The following LAMP1 variants were observed in gnomAD, a reference collection of about 807,000 sequenced individuals.
LAMP1 encodes the protein lysosome associated membrane protein 1.
A neutral mutation model predicts 37.5 loss-of-function variants in LAMP1; 7 were observed. That is an observed-to-expected ratio of 0.19 (90% CI 0.11 to 0.35). The LOEUF is 0.35. LAMP1 is among the 10% of genes least tolerant of loss of function. LAMP1 has a pLI of 1.00. For missense variants in LAMP1, 537 were observed against 552.8 expected, an observed-to-expected ratio of 0.97 and a Z score of 0.29; for synonymous variants, 236 against 229.1, an observed-to-expected ratio of 1.03 and a Z score of -0.27.
chr13:113,319,411 G>A, intron 4 of LAMP1, 58 bp from the exon 5 acceptor site: 1 of 1,454,396 alleles, frequency 6.9e-7, no homozygotes, highest in Middle Eastern at 1.8e-4. Flanking sequence ...GGATCTTACT[G>A]TAACTGCTGA....
At chr13:113,314,861 T>C (rs1486779632) in intron 4 of LAMP1, among the ~76,000 whole-genome samples, 5 of 120,904 alleles carry the variant, frequency 4.1e-5, no homozygotes, top group South Asian at 3.2e-4. Context: ...GCAGCCAGTG[T>C]GGAGATGCCA....
intron 1 of LAMP1, among the ~76,000 whole-genome samples, chr13:113,304,303 G>A (rs185857358): frequency 6.6e-6 from 1 of 152,176 alleles, no homozygotes; most frequent in African/African-American, 2.4e-5. Context: ...ACCTGAGGGC[G>A]GGGTGGGCAG....
In LAMP1 at chr13:113,322,808, C is replaced by T. The variant is rs1379503122; in HGVS notation, c.*387C>T. On this transcript the variant is annotated 3_prime_UTR_variant, in exon 9 of 9. Coordinates refer to ENST00000332556, the MANE Select transcript of LAMP1 (RefSeq NM_005561.4). ...GCTTTCTCTGAGGGGGTGGGGGTGC[C>T]GCTCTCTCTGAGGGGGTGGGGGTGC... is the stretch of plus-strand genomic sequence containing the variant. 5.5e-5 allele frequency: 3 copies of T among 54,916 alleles called. No individual in the cohort carries two copies. Among genetic ancestry groups the T allele is most frequent in the African/African-American group, 1.6e-4 (2 of 12,374 alleles). 3.4% of individuals were successfully genotyped at this position (54,916 alleles called of 1,614,324 possible).
intron 4 of LAMP1, among the ~76,000 whole-genome samples, chr13:113,312,961 C>G (rs887046544): frequency 6.6e-6 from 1 of 152,168 alleles, no homozygotes; most frequent in East Asian, 1.9e-4. Context: ...AGCTGGCTAC[C>G]TCTGGGCTGC....
At position 113,306,485 on chromosome 13, in the gene LAMP1, G is replaced by A. The variant is rs776655908; in HGVS notation, c.62G>A (p.Gly21Asp). ...LLLLLLLLLLGLMHCASAAMF... is the reference protein window; with the variant it reads ...LLLLLLLLLLDLMHCASAAMF... Reference sequence around the variant, plus strand: ...TCTCCGTCTTCCCTGGAATTGACAGGCCTCATGCATTGTGCGTCAGCAGCA... The same window carrying A: ...TCTCCGTCTTCCCTGGAATTGACAGACCTCATGCATTGTGCGTCAGCAGCA... The change falls in exon 2 of 9, where the codon GGC becomes GAC. Residue 21 changes from glycine to aspartate, a missense_variant and splice_region_variant. Coordinates refer to ENST00000332556, the MANE Select transcript of LAMP1 (RefSeq NM_005561.4). 1 of 1,613,544 alleles carries A rather than the reference G, an allele frequency of 6.2e-7. No individual in the cohort carries two copies. The highest frequency in any genetic ancestry group is 2.2e-5 in the East Asian group (1 of 44,852).
At chr13:113,317,035 A>T (rs186616999) in intron 4 of LAMP1, among the ~76,000 whole-genome samples, 96 of 152,346 alleles carry the variant, frequency 6.3e-4, no homozygotes, top group African/African-American at 2.2e-3. Context: ...ACCTGGGTGC[A>T]AACCAATCTC....
At position 113,320,287 on chromosome 13, in the gene LAMP1, T is replaced by G; in HGVS notation, c.751-58T>G. The G allele has an allele frequency of 6.2e-7, 1 of 1,606,440 alleles. No homozygotes were observed. The highest frequency in any genetic ancestry group is 8.5e-7 in the Non-Finnish European group (1 of 1,174,610). On this transcript the variant is annotated intron_variant, in intron 5 of 8. Transcript: ENST00000332556. The surrounding 1 kb of genome is among the most constrained non-coding windows in gnomAD (Gnocchi z 4.4). ...TTCACGGTTTCAGGACTGTTTGTCT[T>G]TTCGAGAGTGTGGAGGACCTGAGCT...
At chr13:113,311,265 A>C (rs546757250) in intron 4 of LAMP1, among the ~76,000 whole-genome samples, 2 of 152,354 alleles carry the variant, frequency 1.3e-5, no homozygotes, top group East Asian at 3.9e-4. Context: ...ATGTGACTGC[A>C]GTTAATAATG....
rs1566394911 is a variant in LAMP1 at position 113,297,307 on chromosome 13, C to T, written c.-128C>T. On this transcript the variant is annotated 5_prime_UTR_variant, in exon 1 of 9. Coordinates refer to ENST00000332556, the MANE Select transcript of LAMP1 (RefSeq NM_005561.4). The surrounding 1 kb of genome is among the most constrained non-coding windows in gnomAD (Gnocchi z 4.4). The stretch of plus-strand genomic sequence containing the variant: ...GTCGCAGTGGCCGGGCCTCTTGCGT[C>T]TGGTAACGCCGCTGTCTCTAACGCC... 5.5e-6 allele frequency: 1 copy of T among 181,314 alleles called. No individual in the cohort carries two copies. Among genetic ancestry groups the T allele is most frequent in the Non-Finnish European group, 1.1e-5 (1 of 88,128 alleles). The allele number at this position is 181,314 out of a possible 1,614,324, so 11.2% of individuals were successfully genotyped here. A position where few individuals can be genotyped will look rare whatever the true frequency, so the allele number is the denominator to read the frequency against.
chr13:113,312,581 G>A (rs2042636249), intron 4 of LAMP1, among the ~76,000 whole-genome samples: 1 of 152,226 alleles, frequency 6.6e-6, no homozygotes, highest in African/African-American at 2.4e-5. Flanking sequence ...CATAGGGGAG[G>A]CTTGGAAGGA....
intron 1 of LAMP1, among the ~76,000 whole-genome samples, chr13:113,300,500 AAAAAAG>A (rs1421875553): frequency 4.6e-5 from 7 of 150,672 alleles, no homozygotes; most frequent in South Asian, 4.2e-4. Context: ...AAAAAAAAAA[AAAAAAG>A]AAAAAGAAAA....
At position 113,297,663 on chromosome 13, in the gene LAMP1, T is replaced by G. The variant is rs994547588; in HGVS notation, c.61+168T>G. On this transcript the variant is annotated intron_variant, in intron 1 of 8. Transcript: ENST00000332556. The surrounding 1 kb of genome is among the most constrained non-coding windows in gnomAD (Gnocchi z 4.4). Reference sequence around the variant, plus strand: ...CGGGCGGGTGTTTCTCTCGGGGTCGTAGGGTCGGAGCGGAGCTCAATGGCA... The same window carrying G: ...CGGGCGGGTGTTTCTCTCGGGGTCGGAGGGTCGGAGCGGAGCTCAATGGCA... Among the ~76,000 whole-genome samples, 3 of 151,260 alleles carry G rather than the reference T, an allele frequency of 2.0e-5. No individual in the cohort carries two copies. Among genetic ancestry groups the G allele is most frequent in the African/African-American group, 7.3e-5 (3 of 41,114 alleles).
intron 3 of LAMP1, 83 bp from the exon 4 acceptor site, chr13:113,310,626 T>C: frequency 9.0e-7 from 1 of 1,108,478 alleles, no homozygotes; most frequent in East Asian, 2.5e-5. Flanking sequence ...AATCTATAAC[T>C]GACATCAGGG....
At position 113,321,295 on chromosome 13, in the gene LAMP1, A is replaced by G. The variant is rs1327612067; in HGVS notation, c.877-109A>G. The stretch of plus-strand genomic sequence containing the variant: ...ACTAGAAATGTAGGAAGTCAGGTTT[A>G]TTACCCAATGACCATTCACGTTTGA... On this transcript the variant is annotated intron_variant, in intron 6 of 8. Coordinates refer to ENST00000332556, the MANE Select transcript of LAMP1 (RefSeq NM_005561.4). This position sits in a 1 kb window ranked among gnomAD's most constrained non-coding sequence, Gnocchi z 5.6. 3.3e-6 allele frequency: 3 copies of G among 905,670 alleles called. No homozygotes were observed. The African/African-American group carries it at 4.9e-5, about 15-fold the overall frequency. 56.1% of individuals were successfully genotyped at this position (905,670 alleles called of 1,614,324 possible). A position where few individuals can be genotyped will look rare whatever the true frequency, so the allele number is the denominator to read the frequency against.
In LAMP1 at chr13:113,307,945, C is replaced by T. The variant is rs569828943; in HGVS notation, c.183+1339C>T. 1.4e-4 allele frequency among the ~76,000 whole-genome samples: 17 copies of T among 121,668 alleles called. No homozygotes were observed. The South Asian group carries it at 4.0e-3, about 29-fold the overall frequency. The allele number at this position is 121,668 out of a possible 152,430, so 79.8% of individuals were successfully genotyped here. A position where few individuals can be genotyped will look rare whatever the true frequency, so the allele number is the denominator to read the frequency against. ...CTGCACTCCAGCCTGGGTGACAGAGCGAGACCATCTCCAAAAAAAAAAAAA... is the reference window on the plus strand; with the variant it reads ...CTGCACTCCAGCCTGGGTGACAGAGTGAGACCATCTCCAAAAAAAAAAAAA... On this transcript the variant is annotated intron_variant, in intron 2 of 8. Transcript: ENST00000332556.
Position 113,321,809 on chromosome 13 carries a change from G to A in LAMP1, c.1114+82G>A. On this transcript the variant is annotated intron_variant, in intron 8 of 8. Transcript: ENST00000332556. This position sits in a 1 kb window ranked among gnomAD's most constrained non-coding sequence, Gnocchi z 5.6. Reference sequence around the variant, plus strand: ...CCTGTGGACGTTTAGTCGCTTCCGTGTGGGCTGGGGCGACGCCCCTGTTCC... The same window carrying A: ...CCTGTGGACGTTTAGTCGCTTCCGTATGGGCTGGGGCGACGCCCCTGTTCC... 1.4e-6 allele frequency: 2 copies of A among 1,401,992 alleles called. No individual in the cohort carries two copies. Among genetic ancestry groups the A allele is most frequent in the Non-Finnish European group, 2.0e-6 (2 of 1,012,348 alleles). The allele number at this position is 1,401,992 out of a possible 1,614,324, so 86.8% of individuals were successfully genotyped here. A position where few individuals can be genotyped will look rare whatever the true frequency, so the allele number is the denominator to read the frequency against.
chr13:113,322,483 C>A lies in LAMP1; in HGVS notation c.*62C>A, dbSNP rs138594896. 2.2e-4 allele frequency: 333 copies of A among 1,499,690 alleles called. 2 individuals carry two copies. In the East Asian group the frequency reaches 5.9e-3, roughly 27 times the overall value. The allele number at this position is 1,499,690 out of a possible 1,614,324, so 92.9% of individuals were successfully genotyped here. On this transcript the variant is annotated 3_prime_UTR_variant, in exon 9 of 9. Transcript: ENST00000332556. ...TGTTCCTTTCTCTGGGCTTAGGGTC[C>A]TGTCGAAGGGGAGGCACACTTTCTG...
Position 113,322,558 on chromosome 13 carries a change from C to T in LAMP1, c.*137C>T. 1.3e-6 allele frequency: 1 copy of T among 755,590 alleles called. No homozygotes were observed. The highest frequency in any genetic ancestry group is 2.0e-5 in the South Asian group (1 of 50,838). 46.8% of individuals were successfully genotyped at this position (755,590 alleles called of 1,614,324 possible). ...ATCCAATGTGAAGTTCATCTTGCAG[C>T]ATTTACTATGCACAACAGAGTAACT... is the stretch of plus-strand genomic sequence containing the variant. On this transcript the variant is annotated 3_prime_UTR_variant, in exon 9 of 9. Transcript: ENST00000332556.
chr13:113,309,067 G>A (rs530627033), intron 2 of LAMP1, among the ~76,000 whole-genome samples: 1 of 152,220 alleles, frequency 6.6e-6, no homozygotes, highest in African/African-American at 2.4e-5. Context: ...TTTAAATTCT[G>A]TTATAAATTA....
Sources: gnomAD v4.1 joint callset for allele counts (sites outside exome capture counted in the v4.1 genomes callset) on GRCh38, gnomAD v4.1.1 for gene constraint, Gnocchi (gnomAD v3.1) non-coding constraint, MANE v1.5 for transcripts, NCBI Gene and HGNC (gene_info 2026-07-23, HGNC 2026-07-21) for gene names.